SAP30BP: variants seen among roughly 807,000 people sequenced by gnomAD.
SAP30BP encodes SAP30 binding protein, also known as SAP30-binding protein.
In SAP30BP, 31 loss-of-function variants were observed where a neutral mutation model predicts 46.3. That is an observed-to-expected ratio of 0.67 (90% CI 0.50 to 0.90). SAP30BP has a LOEUF of 0.90. SAP30BP is among the 40% of genes least tolerant of loss of function. The pLI is 0.00. For missense variants in SAP30BP, 312 were observed against 391.0 expected (o/e 0.80, Z 1.70); for synonymous variants, 169 against 144.2 (o/e 1.17, Z -1.23).
In SAP30BP at chr17:75,705,913, G is replaced by C. The variant is rs1187261903; in HGVS notation, c.661-95G>C. On this transcript the variant is annotated intron_variant, in intron 9 of 10. Transcript: ENST00000584667. ...TCATTTCCAATGCCTCTTTTGTGTA[G>C]TGCCAAGCTCCTGTCCCCCAGGAGC... 15 of 1,548,004 alleles carry C rather than the reference G, an allele frequency of 9.7e-6. No homozygotes were observed. The East Asian group carries it at 3.4e-4, about 35-fold the overall frequency.
intron 3 of SAP30BP, chr17:75,672,138 C>T (rs980427341): frequency 6.8e-6 from 3 of 442,958 alleles, no homozygotes; most frequent in Non-Finnish European, 8.4e-6. Context: ...AACCCACTTG[C>T]ATTCTGCATC....
At chr17:75,695,609 G>A (rs763823589) in intron 4 of SAP30BP, among the ~76,000 whole-genome samples, 16 of 152,270 alleles carry the variant, frequency 1.1e-4, no homozygotes, top group Admixed American at 4.6e-4. Flanking sequence ...TACTGAAGAC[G>A]TAATTAGTTG....
intron 3 of SAP30BP, among the ~76,000 whole-genome samples, chr17:75,682,421 G>A (rs899005024): frequency 6.6e-6 from 1 of 152,018 alleles, no homozygotes; most frequent in African/African-American, 2.4e-5. Flanking sequence ...CTGACCTCAG[G>A]TGATACACCT....
rs1201512814 is a variant in SAP30BP, at chr17:75,667,456, C to G, written c.84C>G (p.Ile28Met). The G allele has an allele frequency of 6.2e-7, 1 of 1,613,982 alleles. No individual in the cohort carries two copies. Among genetic ancestry groups the G allele is most frequent in the African/African-American group, 1.3e-5 (1 of 74,914 alleles). ...CCGAGTCTGATGGCGAGGCTGGAAT[C>G]GAGGCGGTGGGCAGCGCGGCTGGTA... ...SEPESDGEAG[I>M]EAVGSAAEEK... The change falls in exon 1 of 11, where the codon ATC (isoleucine) becomes ATG (methionine). Residue 28 changes from isoleucine (I) to methionine (M), a missense_variant. This residue lies in a region of SAP30BP where 296 missense variants were observed against 346.6 expected (regional missense o/e 0.85). Coordinates refer to ENST00000584667, the MANE Select transcript of SAP30BP (RefSeq NM_013260.8).
chr17:75,696,530 C>T (rs1253207120), intron 4 of SAP30BP, among the ~76,000 whole-genome samples: 7 of 148,964 alleles, frequency 4.7e-5, no homozygotes, highest in Non-Finnish European at 7.4e-5. Flanking sequence ...GGCGACATAG[C>T]GAGACTCCAT....
chr17:75,667,836 T>TGTGTTC, intron 1 of SAP30BP, among the ~76,000 whole-genome samples: 1 of 152,356 alleles, frequency 6.6e-6, no homozygotes, highest in South Asian at 2.1e-4. Flanking sequence ...TGGTAAAGAT[T>TGTGTTC]GTGTTCGTTA....
chr17:75,692,493 G>A lies in SAP30BP; in HGVS notation c.265-947G>A, dbSNP rs182904541. On this transcript the variant is annotated intron_variant, in intron 3 of 10. Coordinates refer to ENST00000584667, the MANE Select transcript of SAP30BP (RefSeq NM_013260.8). ...TTGTTGATCTAACTGGCTTTGAGGG[G>A]CTGGGTGTCAGCAACCCAGAAATGG... The A allele has an allele frequency of 4.9e-5, 48 of 985,476 alleles. No individual in the cohort carries two copies. In the Admixed American group the frequency reaches 7.4e-4, roughly 15 times the overall value. 61.0% of individuals were successfully genotyped at this position (985,476 alleles called of 1,614,324 possible).
At chr17:75,689,936 C>T (rs912071739) in intron 3 of SAP30BP, among the ~76,000 whole-genome samples, 3 of 151,970 alleles carry the variant, frequency 2.0e-5, no homozygotes, top group Admixed American at 6.6e-5. Flanking sequence ...TTTCAGTGGG[C>T]GAGAGGTGAC....
chr17:75,687,939 TGTGTGTGTGTGTGTGTGA>T (rs2060183808), intron 3 of SAP30BP, among the ~76,000 whole-genome samples: 1 of 96,398 alleles, frequency 1.0e-5, no homozygotes, highest in Non-Finnish European at 2.4e-5. Flanking sequence ...TGTGTGTGTG[TGTGTGTGTGTGTGTGTGA>T]GAGAGACAGA....
intron 5 of SAP30BP, among the ~76,000 whole-genome samples, chr17:75,701,501 G>A (rs562882736): frequency 1.3e-5 from 2 of 152,290 alleles, no homozygotes; most frequent in African/African-American, 4.8e-5. Context: ...TGGATCCCCC[G>A]AGGTGGTTCT....
intron 2 of SAP30BP, among the ~76,000 whole-genome samples, chr17:75,671,086 C>T (rs777577796): frequency 7.9e-5 from 12 of 152,134 alleles, no homozygotes; most frequent in East Asian, 3.9e-4. Flanking sequence ...AATGCCTTAC[C>T]GTGTGTGATC....
intron 3 of SAP30BP, among the ~76,000 whole-genome samples, chr17:75,673,155 G>A (rs895939030): frequency 2.0e-5 from 3 of 152,130 alleles, no homozygotes; most frequent in Non-Finnish European, 4.4e-5. Flanking sequence ...ATCTTGAGAC[G>A]TTGTGAGTGA....
intron 1 of SAP30BP, 145 bp from the exon 2 acceptor site, chr17:75,668,371 T>G (rs1361682701): frequency 1.8e-6 from 1 of 555,474 alleles, no homozygotes; most frequent in Non-Finnish European, 3.1e-6. Flanking sequence ...CTGGGCCTAT[T>G]GTAACTTAAC....
At chr17:75,681,813 T>C (rs1334362798) in intron 3 of SAP30BP, among the ~76,000 whole-genome samples, 2 of 152,182 alleles carry the variant, frequency 1.3e-5, no homozygotes, top group Admixed American at 1.3e-4. Flanking sequence ...ATGCTGTGGC[T>C]TTTCATAAAC....
At chr17:75,699,043 T>G (rs1762001504) in intron 4 of SAP30BP, among the ~76,000 whole-genome samples, 3 of 152,140 alleles carry the variant, frequency 2.0e-5, no homozygotes, top group Admixed American at 2.0e-4. Context: ...ACTTTTAAGA[T>G]TAGTCAGGCA....
intron 9 of SAP30BP, 197 bp downstream of exon 9, chr17:75,705,011 C>T: frequency 1.7e-6 from 1 of 584,400 alleles, no homozygotes; most frequent in Non-Finnish European, 3.1e-6. Context: ...TGCTTTTGCC[C>T]TCGGAGACTT....
intron 3 of SAP30BP, among the ~76,000 whole-genome samples, chr17:75,686,447 C>T (rs1374268901): frequency 6.6e-6 from 1 of 151,692 alleles, no homozygotes; most frequent in Non-Finnish European, 1.5e-5. Context: ...ACCCTGGAGG[C>T]GGAGCTTGCA....
At chr17:75,688,749 T>G (rs1430944866) in intron 3 of SAP30BP, among the ~76,000 whole-genome samples, 1 of 152,208 alleles carries the variant, frequency 6.6e-6, no homozygotes, top group Admixed American at 6.5e-5. Flanking sequence ...TGTTGTTACT[T>G]CCTTCCTGCG....
intron 4 of SAP30BP, among the ~76,000 whole-genome samples, chr17:75,697,503 CT>C (rs2060340656): frequency 6.6e-6 from 1 of 152,158 alleles, no homozygotes; most frequent in South Asian, 2.1e-4. Flanking sequence ...AGAGAAGCAC[CT>C]CGTCTCCTGC....
Sources: allele counts gnomAD v4.1 joint callset (sites outside exome capture counted in the v4.1 genomes callset), GRCh38; gene constraint gnomAD v4.1.1; regional missense constraint gnomAD v4.1.1; transcripts MANE v1.5; gene names NCBI Gene and HGNC (gene_info 2026-07-23, HGNC 2026-07-21).